Variants in SLC9A3 observed in about 807,000 individuals in gnomAD.
SLC9A3 encodes the protein solute carrier family 9 member A3.
A neutral mutation model predicts 86.8 loss-of-function variants in SLC9A3; 37 were observed. That is an observed-to-expected ratio of 0.43 (90% CI 0.33 to 0.56). SLC9A3 has a LOEUF of 0.56. Among genes scored for constraint, SLC9A3 ranks in the 20% least tolerant of loss-of-function variants. The probability of loss-of-function intolerance (pLI) is 0.06; values close to 1 mark genes in which losing one functional copy is unlikely to be tolerated. For missense variants in SLC9A3, 1,011 were observed against 1,171.9 expected (o/e 0.86, Z 2.00); for synonymous variants, 581 against 528.3 (o/e 1.10, Z -1.37).
chr5:495,089 CCAGGTGGGGGGGCGCCGTGGCCG>C (rs138193482), intron 1 of SLC9A3, among the ~76,000 whole-genome samples: 10,932 of 147,296 alleles, frequency 0.074, 469 homozygotes, highest in Non-Finnish European at 0.099. Context: ...CCGCGTGTCC[CCAGGTGGGGGGGCGCCGTGGCCG>C]CAGGTCAGAC....
Position 496,871 on chromosome 5 carries a change from C to T in SLC9A3, c.212-4800G>A, listed in dbSNP as rs1194861768. On this transcript the variant is annotated intron_variant, in intron 1 of 16. Coordinates refer to ENST00000264938, the MANE Select transcript of SLC9A3 (RefSeq NM_004174.4). This position sits in a 1 kb window ranked among gnomAD's most constrained non-coding sequence, Gnocchi z 4.7. Reference sequence around the variant, plus strand: ...TTCGAGACCAGCCTGGGCAACATGGCGAAACCCCATCTTTACAAAAAAAAA... The same window carrying T: ...TTCGAGACCAGCCTGGGCAACATGGTGAAACCCCATCTTTACAAAAAAAAA... Among the ~76,000 whole-genome samples the T allele has an allele frequency of 6.6e-6, 1 of 151,766 alleles. No homozygotes were observed. The highest frequency in any genetic ancestry group is 2.1e-4 in the South Asian group (1 of 4,790).
Position 491,921 on chromosome 5 carries a change from G to T in SLC9A3, c.362C>A (p.Pro121His). ...GTAGCCGGCGTCCAGCACGATGGGG[G>T]GCAGCAGGTAGAAGAAGAAGACGGT... ...TPTVFFFYLL[P>H]PIVLDAGYFM... The change falls in exon 2 of 17, where the codon CCC becomes CAC. Residue 121 changes from proline (P) to histidine (H), a missense_variant. By Grantham distance (77) the Pro-to-His change is moderately conservative (BLOSUM62 -2). Transcript: ENST00000264938. The surrounding 1 kb of genome is among the most constrained non-coding windows in gnomAD (Gnocchi z 9.2). 1.2e-6 allele frequency: 2 copies of T among 1,611,850 alleles called. No homozygotes were observed. The highest frequency in any genetic ancestry group is 1.7e-6 in the Non-Finnish European group (2 of 1,179,584).
Position 477,464 on chromosome 5 carries a change from C to G in SLC9A3, c.1648-20G>C. 2 of 1,578,500 alleles carry G rather than the reference C, an allele frequency of 1.3e-6. No individual in the cohort carries two copies. Among genetic ancestry groups the G allele is most frequent in the Non-Finnish European group, 1.7e-6 (2 of 1,152,208 alleles). ...CTCTCCCTGTGGTCAGGAAGCAGCC[C>G]GGTCAGTGGCCTGAGCAGCCAAGCC... On this transcript the variant is annotated intron_variant, in intron 10 of 16. Transcript: ENST00000264938.
intron 4 of SLC9A3, 127 bp downstream of exon 4, chr5:485,026 G>A: frequency 5.3e-6 from 4 of 748,178 alleles, no homozygotes; most frequent in Non-Finnish European, 9.6e-6. Flanking sequence ...GACGTGACGT[G>A]GACAGAAGGG....
intron 1 of SLC9A3, among the ~76,000 whole-genome samples, chr5:494,800 C>T (rs560009966): frequency 6.6e-6 from 1 of 152,276 alleles, no homozygotes; most frequent in Non-Finnish European, 1.5e-5. Flanking sequence ...CGGGCACAGC[C>T]GTGGTGATGG....
chr5:479,071 C>G (rs1470576729), intron 10 of SLC9A3: 2 of 152,750 alleles, frequency 1.3e-5, no homozygotes, highest in African/African-American at 4.8e-5. Flanking sequence ...AGGTCTTTCT[C>G]TCCGGCGAGA....
Position 475,014 on chromosome 5 carries a change from C to T in SLC9A3, c.2370G>A (p.Gln790=). ...TVVPSQRART[Q]IPYSPGTFCR... ...AGAAGGTGCCGGGAGAGTAGGGAAT[C>T]TGCGTGCGGGCCCTCTGCGAGGGGA... Residue 790 remains glutamine, a synonymous_variant, in exon 16 of 17, where the codon CAG becomes CAA. Coordinates refer to ENST00000264938, the MANE Select transcript of SLC9A3 (RefSeq NM_004174.4). 1 of 1,612,360 alleles carries T rather than the reference C, an allele frequency of 6.2e-7. No homozygotes were observed. The highest frequency in any genetic ancestry group is 8.5e-7 in the Non-Finnish European group (1 of 1,179,780).
chr5:524,393 G>C lies in SLC9A3; in HGVS notation c.-71C>G, dbSNP rs1400680453. The C allele has an allele frequency of 1.4e-5, 9 of 633,070 alleles. No individual in the cohort carries two copies. The highest frequency in any genetic ancestry group is 1.9e-5 in the Non-Finnish European group (9 of 470,672). 39.2% of individuals were successfully genotyped at this position (633,070 alleles called of 1,614,324 possible). On this transcript the variant is annotated 5_prime_UTR_variant, in exon 1 of 17. Transcript: ENST00000264938. The stretch of plus-strand genomic sequence containing the variant: ...TCCCGGCTGGGCTGGGCCGACGCGC[G>C]GGGCTGGGACCCGGCGAGGACCCGG...
In SLC9A3 at chr5:472,052, T is replaced by C. The variant is rs1044650853; in HGVS notation, c.*1327A>G. Reference sequence around the variant, plus strand: ...CCCTAGGAGTGTCCACCTCCACCACTTCCACCGTGCAGGCAGGTTTCAGGT... The same window carrying C: ...CCCTAGGAGTGTCCACCTCCACCACCTCCACCGTGCAGGCAGGTTTCAGGT... On this transcript the variant is annotated 3_prime_UTR_variant, in exon 17 of 17. Coordinates refer to ENST00000264938, the MANE Select transcript of SLC9A3 (RefSeq NM_004174.4). 8.8e-6 allele frequency: 4 copies of C among 454,512 alleles called. No homozygotes were observed. The highest frequency in any genetic ancestry group is 2.0e-5 in the African/African-American group (1 of 49,990). The allele number at this position is 454,512 out of a possible 1,614,324, so 28.2% of individuals were successfully genotyped here. A position where few individuals can be genotyped will look rare whatever the true frequency, so the allele number is the denominator to read the frequency against.
Position 475,087 on chromosome 5 carries a change from C to T in SLC9A3, c.2297G>A (p.Ser766Asn). Residue 766 changes from serine to asparagine, a missense_variant, in exon 16 of 17, where the codon AGC becomes AAC. Transcript: ENST00000264938. ...VFSPDEALDR[S>N]LLARLPPWLS... ...CCAGGGCGGCAGCCTGGCCAGGAGG[C>T]TGCGGTCCAGGGCCTCGTCCGGAGA... The T allele has an allele frequency of 3.1e-6, 5 of 1,610,980 alleles. No homozygotes were observed. The highest frequency in any genetic ancestry group is 4.2e-6 in the Non-Finnish European group (5 of 1,178,908).
chr5:488,240 C>T (rs1739559733), intron 3 of SLC9A3, 76 bp downstream of exon 3: 1 of 1,530,570 alleles, frequency 6.5e-7, no homozygotes, highest in African/African-American at 1.4e-5. Context: ...CCTTTGCTGA[C>T]TGACCGATGG....
At chr5:495,430 G>A (rs1349063864) in intron 1 of SLC9A3, among the ~76,000 whole-genome samples, 12 of 114,272 alleles carry the variant, frequency 1.1e-4, no homozygotes, top group East Asian at 7.6e-4. Context: ...CGCCATCGCC[G>A]ACCCTCCCCA....
intron 1 of SLC9A3, among the ~76,000 whole-genome samples, chr5:501,764 C>T (rs1034777418): frequency 7.9e-5 from 12 of 152,230 alleles, no homozygotes; most frequent in Admixed American, 3.3e-4. Flanking sequence ...ATGTGTCGGC[C>T]GTCAAGCCCA....
intron 1 of SLC9A3, among the ~76,000 whole-genome samples, chr5:499,959 G>A (rs752878675): frequency 3.3e-5 from 5 of 152,338 alleles, no homozygotes; most frequent in East Asian, 1.9e-4. Flanking sequence ...CCTGGGCCCC[G>A]TCGGAGCCAC....
intron 1 of SLC9A3, among the ~76,000 whole-genome samples, chr5:504,876 G>T (rs1260193365): frequency 6.6e-6 from 1 of 152,118 alleles, no homozygotes; most frequent in East Asian, 2.0e-4. Context: ...TCACACCTCG[G>T]CTAGCAAAGT....
intron 10 of SLC9A3, chr5:478,735 C>G (rs888253298): frequency 6.5e-6 from 1 of 154,598 alleles, no homozygotes; most frequent in African/African-American, 2.4e-5. Flanking sequence ...CCCACTGTCC[C>G]TTCCCACCCT....
intron 1 of SLC9A3, among the ~76,000 whole-genome samples, chr5:521,235 C>A (rs1415276347): frequency 6.6e-6 from 1 of 151,310 alleles, no homozygotes; most frequent in Admixed American, 6.6e-5. Flanking sequence ...TTGCCGGAGC[C>A]AGACACGCGG....
Position 491,841 on chromosome 5 carries a change from CG to C in SLC9A3, c.441del (p.Val148SerfsTer72). The C allele has an allele frequency of 6.2e-7, 1 of 1,601,750 alleles. No individual in the cohort carries two copies. Among genetic ancestry groups the C allele is most frequent in the Non-Finnish European group, 8.5e-7 (1 of 1,174,870 alleles). ...GCCGCGTTCCACACGGTACCCACGA[CG>C]GCGTACAACAGGATGGTCCCCAGGT... Reference protein sequence around the residue: ...FGNLGTILLYAVVGTVWNAAT... With the variant: ...FGNLGTILLYXVVGTVWNAAT... On this transcript the variant is annotated frameshift_variant, in exon 2 of 17. Coordinates refer to ENST00000264938, the MANE Select transcript of SLC9A3 (RefSeq NM_004174.4). LOFTEE classifies it high-confidence loss of function. This position sits in a 1 kb window ranked among gnomAD's most constrained non-coding sequence, Gnocchi z 9.2.
At chr5:492,996 C>T (rs1280613279) in intron 1 of SLC9A3, among the ~76,000 whole-genome samples, 2 of 152,220 alleles carry the variant, frequency 1.3e-5, no homozygotes, top group Non-Finnish European at 2.9e-5. Flanking sequence ...CGTGGAGCTT[C>T]ACCCCGTCCC....
Sources: allele counts gnomAD v4.1 joint callset (sites outside exome capture counted in the v4.1 genomes callset), GRCh38; gene constraint gnomAD v4.1.1; non-coding constraint Gnocchi (gnomAD v3.1); transcripts MANE v1.5; gene names NCBI Gene and HGNC (gene_info 2026-07-23, HGNC 2026-07-21).